GABRB2: variants seen among roughly 807,000 people sequenced by gnomAD.
GABRB2 encodes the protein gamma-aminobutyric acid type A receptor subunit beta2.
A neutral mutation model predicts 54.7 loss-of-function variants in GABRB2; 16 were observed. The ratio of observed to expected loss-of-function variants is 0.29; its 90% CI spans 0.20 to 0.44. The LOEUF (loss-of-function observed/expected upper bound fraction) is 0.44, where lower values mean the gene tolerates loss of function less well. Ranked by LOEUF, GABRB2 falls within the 20% of genes least tolerant of loss-of-function variation. The pLI is 1.00. For missense variants in GABRB2, 355 were observed against 644.0 expected (o/e 0.55, Z 4.86); for synonymous variants, 244 against 233.8 (o/e 1.04, Z -0.40).
intron 9 of GABRB2, among the ~76,000 whole-genome samples, chr5:161,301,861 T>A (rs539601344): frequency 3.3e-5 from 5 of 152,170 alleles, no homozygotes; most frequent in Non-Finnish European, 2.9e-5. Flanking sequence ...CAGCTTTAAA[T>A]CCCAAGTCCA....
At chr5:161,528,803 T>C (rs762572753) in intron 3 of GABRB2, among the ~76,000 whole-genome samples, 8 of 151,800 alleles carry the variant, frequency 5.3e-5, no homozygotes, top group Non-Finnish European at 8.9e-5. Context: ...CAGAAAAAAA[T>C]AGATTAGAAA....
chr5:161,525,801 TAA>T (rs1180459562), intron 3 of GABRB2, among the ~76,000 whole-genome samples: 1 of 151,364 alleles, frequency 6.6e-6, no homozygotes, highest in Admixed American at 6.6e-5. Context: ...GCATCTAACT[TAA>T]GTTTCCCAGT....
intron 3 of GABRB2, among the ~76,000 whole-genome samples, chr5:161,492,564 TTG>T (rs111553488): frequency 4.0e-5 from 6 of 149,406 alleles, no homozygotes; most frequent in East Asian, 2.0e-4. Flanking sequence ...TTGTTGTAAT[TTG>T]TGTGTGTGTG....
At chr5:161,329,384 T>C (rs1056610908) in intron 8 of GABRB2, 2 of 137,906 alleles carry the variant, frequency 1.5e-5, no homozygotes, top group Non-Finnish European at 3.2e-5. Flanking sequence ...AAGTAAAACC[T>C]TGGGTGTGGG....
intron 4 of GABRB2, among the ~76,000 whole-genome samples, chr5:161,430,058 T>C (rs1462865685): frequency 6.6e-6 from 1 of 152,222 alleles, no homozygotes; most frequent in African/African-American, 2.4e-5. Context: ...TGGTCTGTCC[T>C]GAGGGCTAAT....
chr5:161,510,263 CA>C (rs1317741858), intron 3 of GABRB2, among the ~76,000 whole-genome samples: 1 of 151,762 alleles, frequency 6.6e-6, no homozygotes, highest in East Asian at 1.9e-4. Flanking sequence ...CCAACCTCCC[CA>C]GCCTCTAGTA....
chr5:161,399,699 T>G (rs1009170092), intron 5 of GABRB2, among the ~76,000 whole-genome samples: 23 of 152,210 alleles, frequency 1.5e-4, no homozygotes, highest in African/African-American at 5.1e-4. Flanking sequence ...TTTATTGGAT[T>G]CAATTTTCTT....
chr5:161,473,735 C>T (rs1356714154), intron 3 of GABRB2, among the ~76,000 whole-genome samples: 1 of 151,882 alleles, frequency 6.6e-6, no homozygotes, highest in Non-Finnish European at 1.5e-5. Flanking sequence ...TATCATCAGC[C>T]ACTGTTAGAC....
At chr5:161,297,094 A>G (rs796960410) in intron 9 of GABRB2, among the ~76,000 whole-genome samples, 27 of 151,296 alleles carry the variant, frequency 1.8e-4, no homozygotes, top group African/African-American at 6.3e-4. Context: ...GTGTAGATGT[A>G]TGAGTGATGA....
chr5:161,468,970 T>C (rs1758357632), intron 3 of GABRB2, among the ~76,000 whole-genome samples: 1 of 151,918 alleles, frequency 6.6e-6, no homozygotes, highest in Non-Finnish European at 1.5e-5. Flanking sequence ...ACAGATGTTA[T>C]TACTATAACA....
At chr5:161,475,987 GA>G (rs1298868683) in intron 3 of GABRB2, among the ~76,000 whole-genome samples, 2 of 151,788 alleles carry the variant, frequency 1.3e-5, no homozygotes, top group Admixed American at 1.3e-4. Flanking sequence ...AATTGGAAAG[GA>G]AAAAGTAAAA....
At chr5:161,471,373 G>T (rs1475874337) in intron 3 of GABRB2, among the ~76,000 whole-genome samples, 1 of 151,938 alleles carries the variant, frequency 6.6e-6, no homozygotes, top group Non-Finnish European at 1.5e-5. Flanking sequence ...AGAATGTAAT[G>T]GAGTAAAACT....
intron 5 of GABRB2, among the ~76,000 whole-genome samples, chr5:161,408,252 T>A (rs1469804170): frequency 2.0e-5 from 3 of 152,034 alleles, no homozygotes; most frequent in Non-Finnish European, 4.4e-5. Context: ...AACTGCTAAG[T>A]ATGGTAATAT....
At chr5:161,404,805 C>T (rs1233700471) in intron 5 of GABRB2, among the ~76,000 whole-genome samples, 1 of 152,106 alleles carries the variant, frequency 6.6e-6, no homozygotes, top group East Asian at 1.9e-4. Flanking sequence ...GGATCTGCAT[C>T]TTCACATAAA....
At chr5:161,335,757 A>G (rs1441333393) in intron 6 of GABRB2, among the ~76,000 whole-genome samples, 1 of 152,118 alleles carries the variant, frequency 6.6e-6, no homozygotes, top group Non-Finnish European at 1.5e-5. Context: ...AATTCAGCGG[A>G]CCTCAAACTT....
chr5:161,456,235 T>C (rs1287380139), intron 4 of GABRB2, among the ~76,000 whole-genome samples: 1 of 152,228 alleles, frequency 6.6e-6, no homozygotes, highest in Non-Finnish European at 1.5e-5. Context: ...CCCAGACTAG[T>C]AAATTTTGCC....
chr5:161,410,235 C>T (rs1756466922), intron 5 of GABRB2, among the ~76,000 whole-genome samples: 1 of 152,270 alleles, frequency 6.6e-6, no homozygotes, highest in African/African-American at 2.4e-5. Flanking sequence ...CTCAAACCAC[C>T]TCCCTATGTG....
chr5:161,306,054 G>A (rs373731918), intron 9 of GABRB2, among the ~76,000 whole-genome samples: 2 of 152,206 alleles, frequency 1.3e-5, no homozygotes, highest in Admixed American at 6.5e-5. Flanking sequence ...CTGACTTAAA[G>A]GTTGTCATCC....
intron 3 of GABRB2, among the ~76,000 whole-genome samples, chr5:161,531,357 T>C (rs529020387): frequency 1.3e-5 from 2 of 152,282 alleles, no homozygotes; most frequent in South Asian, 2.1e-4. Flanking sequence ...TTAAAGATTA[T>C]CTTTATATGC....
Sources: gnomAD v4.1 joint callset for allele counts (sites outside exome capture counted in the v4.1 genomes callset) on GRCh38, gnomAD v4.1.1 for gene constraint, MANE v1.5 for transcripts, NCBI Gene and HGNC (gene_info 2026-07-23, HGNC 2026-07-21) for gene names.